SLC25A45: variants seen among roughly 807,000 people sequenced by gnomAD.
The protein encoded by SLC25A45 is methylated amino-acid transporter SLC25A45.
Under a neutral mutation model 23.0 loss-of-function variants are expected in SLC25A45, and 22 were observed. The observed-to-expected ratio is 0.95, with a 90% CI of 0.68 to 1.36. The LOEUF is 1.36. Among genes scored for constraint, SLC25A45 ranks in the 40% most tolerant of loss-of-function variants. SLC25A45 has a pLI of 0.00. For missense variants in SLC25A45, 355 were observed against 383.5 expected (o/e 0.93, Z 0.62); for synonymous variants, 136 against 155.0 (o/e 0.88, Z 0.91).
At chr11:65,379,685 C>G (rs1855440958) in intron 4 of SLC25A45, 124 bp from the exon 5 acceptor site, 1 of 1,271,154 alleles carries the variant, frequency 7.9e-7, no homozygotes, top group South Asian at 1.5e-5. Context: ...GAAGTGGGGA[C>G]AGGCAGGGAT....
chr11:65,379,765 C>A, intron 4 of SLC25A45, 102 bp downstream of exon 4: 1 of 1,487,514 alleles, frequency 6.7e-7, no homozygotes, highest in Non-Finnish European at 9.3e-7. Flanking sequence ...ACTTGGTCTT[C>A]TCTCCTCCAG....
At chr11:65,381,050 C>T (rs1343151748) in intron 2 of SLC25A45, 2 of 155,262 alleles carry the variant, frequency 1.3e-5, no homozygotes, top group Admixed American at 1.3e-4. Flanking sequence ...AGCACCCTCC[C>T]ACCTGTGCCT....
upstream of SLC25A45, chr11:65,383,487 G>C (rs1253137405): frequency 6.6e-6 from 1 of 152,504 alleles, no homozygotes; most frequent in Non-Finnish European, 1.5e-5. Flanking sequence ...GCCAGGCGCA[G>C]TGGCTCACGC....
At position 65,376,508 on chromosome 11, in the gene SLC25A45, C is replaced by T; in HGVS notation, c.766G>A (p.Gly256Arg). The change falls in exon 7 of 7, where the codon GGA becomes AGA. Residue 256 changes from glycine to arginine, a missense_variant. Coordinates refer to ENST00000398802, the MANE Select transcript of SLC25A45 (RefSeq NM_182556.4). ...ATGGTGACCCCCCGGAAGAAGACTCCCAGTCCTTCCTGCCGGATGCTGCTC... is the reference window on the plus strand; with the variant it reads ...ATGGTGACCCCCCGGAAGAAGACTCTCAGTCCTTCCTGCCGGATGCTGCTC... ...MVSSIRQEGL[G>R]VFFRGVTINS... is the part of the protein sequence containing the mutation. 1.9e-6 allele frequency: 3 copies of T among 1,614,194 alleles called. No homozygotes were observed. The highest frequency in any genetic ancestry group is 1.3e-5 in the African/African-American group (1 of 75,056).
At chr11:65,380,476 C>T in intron 2 of SLC25A45, 1 of 1,304,708 alleles carries the variant, frequency 7.7e-7, no homozygotes, top group Non-Finnish European at 1.0e-6. Flanking sequence ...GAGCCCATAC[C>T]CGGGTATCCC....
intron 5 of SLC25A45, chr11:65,379,088 A>T (rs1855383336): frequency 2.4e-6 from 1 of 425,068 alleles, no homozygotes; most frequent in Non-Finnish European, 4.3e-6. Flanking sequence ...AGGCTGGCAG[A>T]CCCCTCTGGA....
At chr11:65,377,288 C>T in intron 5 of SLC25A45, 1 of 1,406,706 alleles carries the variant, frequency 7.1e-7, no homozygotes, top group Non-Finnish European at 9.2e-7. Context: ...GCATCAGGCC[C>T]AAGAGTGAGA....
At position 65,380,127 on chromosome 11, in the gene SLC25A45, C is replaced by G; in HGVS notation, c.81+5G>C. 4 of 1,613,996 alleles carry G rather than the reference C, an allele frequency of 2.5e-6. No homozygotes were observed. Among genetic ancestry groups the G allele is most frequent in the Non-Finnish European group, 3.4e-6 (4 of 1,179,816 alleles). Reference sequence around the variant, plus strand: ...TCATTCCTCTGGCAGCTCTCCTAAACTCACCTTTACAGTGTCAAACGGGTG... The same window carrying G: ...TCATTCCTCTGGCAGCTCTCCTAAAGTCACCTTTACAGTGTCAAACGGGTG... On this transcript the variant is annotated splice_donor_5th_base_variant and intron_variant, in intron 3 of 6. Coordinates refer to ENST00000398802, the MANE Select transcript of SLC25A45 (RefSeq NM_182556.4).
Position 65,376,209 on chromosome 11 carries a change from C to T in SLC25A45, c.*198G>A. On this transcript the variant is annotated 3_prime_UTR_variant, in exon 7 of 7. Transcript: ENST00000398802. ...GGCAAAGGAGTCAAGGCCAGCTACA[C>T]AGGGAGGCTGCACAGGCCCCCTGGC... 2 of 641,216 alleles carry T rather than the reference C, an allele frequency of 3.1e-6. No individual in the cohort carries two copies. The highest frequency in any genetic ancestry group is 3.9e-5 in the South Asian group (2 of 50,986). The allele number at this position is 641,216 out of a possible 1,614,324, so 39.7% of individuals were successfully genotyped here. A position where few individuals can be genotyped will look rare whatever the true frequency, so the allele number is the denominator to read the frequency against.
rs1422522135 is a variant in SLC25A45, at chr11:65,380,174, G to A, written c.39C>T (p.Gly13=). The change falls in exon 3 of 7, where the codon GGC becomes GGT. Residue 13 remains glycine (G), a splice_region_variant and synonymous_variant. Transcript: ENST00000398802. ...VEEFVAGWIS[G]ALGLVLGHPF... ...GGTGTCCCAGGACCAAGCCCAGAGC[G>A]CCTGTGGTGACAAGAGGGTGCTATG... is the stretch of plus-strand genomic sequence containing the variant. The A allele has an allele frequency of 7.4e-6, 12 of 1,614,168 alleles. No homozygotes were observed. Among genetic ancestry groups the A allele is most frequent in the East Asian group, 2.2e-5 (1 of 44,886 alleles).
Position 65,376,522 on chromosome 11 carries a change from C to A in SLC25A45, c.752G>T (p.Arg251Leu), listed in dbSNP as rs7108281. ...GAAGAAGACTCCCAGTCCTTCCTGC[C>A]GGATGCTGCTCACCATGCAGTCCAG... Reference protein sequence around the residue: ...GMLDCMVSSIRQEGLGVFFRG... With the variant: ...GMLDCMVSSILQEGLGVFFRG... Residue 251 changes from arginine to leucine, a missense_variant, in exon 7 of 7, where the codon CGG becomes CTG. Transcript: ENST00000398802. The A allele has an allele frequency of 2.5e-6, 4 of 1,614,182 alleles. No individual in the cohort carries two copies. Among genetic ancestry groups the A allele is most frequent in the African/African-American group, 1.3e-5 (1 of 75,030 alleles).
intron 5 of SLC25A45, chr11:65,378,384 C>G (rs188812302): frequency 6.6e-6 from 1 of 152,330 alleles, no homozygotes; most frequent in East Asian, 1.9e-4. Flanking sequence ...ACTGTAAACC[C>G]AGGCTCCATC....
rs1185347040 is a variant in SLC25A45 at position 65,376,844 on chromosome 11, T to C, written c.572A>G (p.Gln191Arg). ...GGGATTCTGGCCTTCTGGTGTGTAC[T>C]GGCGACAGAGCCCTTCATAGGTGAT... ...YFITYEGLCR[Q>R]YTPEGQNPSS... is the part of the protein sequence containing the mutation. Residue 191 changes from glutamine (Q) to arginine (R), a missense_variant, in exon 6 of 7, where the codon CAG (glutamine) becomes CGG (arginine). Physicochemically the swap from Gln to Arg is conservative, Grantham distance 43. Coordinates refer to ENST00000398802, the MANE Select transcript of SLC25A45 (RefSeq NM_182556.4). 7 of 1,614,240 alleles carry C rather than the reference T, an allele frequency of 4.3e-6. No individual in the cohort carries two copies. Among genetic ancestry groups the C allele is most frequent in the Non-Finnish European group, 5.9e-6 (7 of 1,180,046 alleles).
intron 3 of SLC25A45, 78 bp downstream of exon 3, chr11:65,380,054 C>A: frequency 6.3e-7 from 1 of 1,580,254 alleles, no homozygotes; most frequent in East Asian, 2.2e-5. Flanking sequence ...GCAAGATTAG[C>A]CAGGCCTGAT....
Position 65,376,878 on chromosome 11 carries a change from T to TCC in SLC25A45, c.536_537dup (p.Ile180GlyfsTer44). Reference sequence around the variant, plus strand: ...AGCCCTTCATAGGTGATGAAGTAGATCCCCACCGTGGGGGTGTCCCTCAGC... The same window carrying TCC: ...AGCCCTTCATAGGTGATGAAGTAGATCCCCCCACCGTGGGGGTGTCCCTCAGC... On this transcript the variant is annotated frameshift_variant, in exon 6 of 7. Transcript: ENST00000398802. LOFTEE classifies it high-confidence loss of function. The TCC allele has an allele frequency of 6.2e-7, 1 of 1,614,160 alleles. No homozygotes were observed. Among genetic ancestry groups the TCC allele is most frequent in the Non-Finnish European group, 8.5e-7 (1 of 1,180,028 alleles).
chr11:65,382,366 G>T lies in SLC25A45; in HGVS notation c.-19+120C>A, dbSNP rs370121694. ...TTCATCTCCACCAAGGGGCATGGCC[G>T]CCCCCATGCCACAGAGAGAGGCCGG... On this transcript the variant is annotated intron_variant, in intron 1 of 6. Transcript: ENST00000398802. The surrounding 1 kb of genome is among the most constrained non-coding windows in gnomAD (Gnocchi z 4.4). 32 of 216,942 alleles carry T rather than the reference G, an allele frequency of 1.5e-4. 1 individual carries two copies. The South Asian group carries it at 2.2e-3, about 15-fold the overall frequency. The allele number at this position is 216,942 out of a possible 1,614,324, so 13.4% of individuals were successfully genotyped here. A position where few individuals can be genotyped will look rare whatever the true frequency, so the allele number is the denominator to read the frequency against.
intron 5 of SLC25A45, chr11:65,378,553 C>T (rs1489010753): frequency 6.6e-6 from 1 of 152,220 alleles, no homozygotes; most frequent in Non-Finnish European, 1.5e-5. Flanking sequence ...TGGCACCTCG[C>T]ACAAGAAGGG....
intron 2 of SLC25A45, 166 bp from the exon 3 acceptor site, chr11:65,380,341 G>A: frequency 9.6e-7 from 1 of 1,046,692 alleles, no homozygotes; most frequent in Non-Finnish European, 1.4e-6. Context: ...AGCTGCCCCT[G>A]CCACCCCCTC....
At chr11:65,380,552 C>G in intron 2 of SLC25A45, 18 of 1,336,056 alleles carry the variant, frequency 1.3e-5, no homozygotes, top group Non-Finnish European at 1.8e-5. Flanking sequence ...GAGCTTTACT[C>G]TTCTTTCTTC....
Sources: gnomAD v4.1 joint callset for allele counts on GRCh38, gnomAD v4.1.1 for gene constraint, Gnocchi (gnomAD v3.1) non-coding constraint, MANE v1.5 for transcripts, NCBI Gene and HGNC (gene_info 2026-07-23, HGNC 2026-07-21) for gene names.